The following KCNB2 variants were observed in gnomAD, a reference collection of about 807,000 sequenced individuals.
KCNB2 encodes delayed rectifier potassium channel protein.
A neutral mutation model predicts 61.5 loss-of-function variants in KCNB2; 15 were observed. That is an observed-to-expected ratio of 0.24 (90% CI 0.16 to 0.38). KCNB2 has a LOEUF of 0.38. KCNB2 is among the 10% of genes least tolerant of loss of function. The pLI, the probability that KCNB2 is intolerant of heterozygous loss-of-function variation, is 1.00. For missense variants in KCNB2, 828 were observed against 1,125.2 expected (o/e 0.74, Z 3.78); for synonymous variants, 457 against 446.0 (o/e 1.02, Z -0.31).
chr8:72,725,260 T>C (rs1352048054), intron 2 of KCNB2, among the ~76,000 whole-genome samples: 1 of 151,952 alleles, frequency 6.6e-6, no homozygotes, highest in Non-Finnish European at 1.5e-5. Flanking sequence ...TATTTCCTTT[T>C]CTGTCTAATG....
At chr8:72,556,979 G>T (rs564625816) in intron 1 of KCNB2, among the ~76,000 whole-genome samples, 1 of 152,186 alleles carries the variant, frequency 6.6e-6, no homozygotes, top group South Asian at 2.1e-4. Flanking sequence ...ATGTCTTCTT[G>T]CTGTGTCAAG....
chr8:72,668,164 G>A (rs1806508348), intron 2 of KCNB2, among the ~76,000 whole-genome samples: 1 of 152,184 alleles, frequency 6.6e-6, no homozygotes, highest in Non-Finnish European at 1.5e-5. Context: ...AATTCTCCCA[G>A]CATCAGTGTA....
In KCNB2 at chr8:72,871,861, C is replaced by G. The variant is rs138983174; in HGVS notation, c.580-64074C>G. Among the ~76,000 whole-genome samples the G allele has an allele frequency of 4.5e-3, 679 of 152,312 alleles. 6 individuals are homozygous for G. The highest frequency in any genetic ancestry group is 0.015 in the African/African-American group (634 of 41,570). Reference sequence around the variant, plus strand: ...AAACATACTTTGTATTATAGGAGATCCAGTAGAATAGTTTCAACTCATATG... The same window carrying G: ...AAACATACTTTGTATTATAGGAGATGCAGTAGAATAGTTTCAACTCATATG... On this transcript the variant is annotated intron_variant, in intron 2 of 2. Transcript: ENST00000523207.
At chr8:72,595,134 A>G (rs889984072) in intron 2 of KCNB2, among the ~76,000 whole-genome samples, 1 of 151,952 alleles carries the variant, frequency 6.6e-6, no homozygotes, top group South Asian at 2.1e-4. Flanking sequence ...AACAAGTCCT[A>G]ACTCCCTAAC....
At chr8:72,766,902 T>G (rs1414169128) in intron 2 of KCNB2, among the ~76,000 whole-genome samples, 1 of 152,140 alleles carries the variant, frequency 6.6e-6, no homozygotes, top group Non-Finnish European at 1.5e-5. Flanking sequence ...GACTTACAGT[T>G]CCGCATGACT....
chr8:72,709,059 G>A lies in KCNB2; in HGVS notation c.579+140746G>A, dbSNP rs373415757. On this transcript the variant is annotated intron_variant, in intron 2 of 2. Transcript: ENST00000523207. The stretch of plus-strand genomic sequence containing the variant: ...CAGGCACTGAAAAAAGAGACACATC[G>A]TTCACCCTTTGATAATACTGCTCTA... Among the ~76,000 whole-genome samples the A allele has an allele frequency of 2.3e-4, 35 of 152,164 alleles. No homozygotes were observed. In the East Asian group the frequency reaches 3.3e-3, roughly 14 times the overall value.
chr8:72,543,417 G>A (rs1366307948), intron 1 of KCNB2, among the ~76,000 whole-genome samples: 1 of 152,150 alleles, frequency 6.6e-6, no homozygotes, highest in Admixed American at 6.5e-5. Context: ...ATATTCAATT[G>A]AATATTGGTA....
chr8:72,929,421 T>C lies in KCNB2; in HGVS notation c.580-6514T>C, dbSNP rs575881101. Among the ~76,000 whole-genome samples the C allele has an allele frequency of 1.9e-3, 290 of 152,258 alleles. 2 individuals carry two copies. Among genetic ancestry groups the C allele is most frequent in the African/African-American group, 6.7e-3 (277 of 41,542 alleles). On this transcript the variant is annotated intron_variant, in intron 2 of 2. Coordinates refer to ENST00000523207, the MANE Select transcript of KCNB2 (RefSeq NM_004770.3). ...TCTAAGTGAAGAAATAACGTAATCA[T>C]CCAGGTGATTCAAGGGAGAAAAAAG...
At chr8:72,768,725 G>T (rs1292406256) in intron 2 of KCNB2, among the ~76,000 whole-genome samples, 1 of 152,088 alleles carries the variant, frequency 6.6e-6, no homozygotes. Context: ...TGATTTGGGG[G>T]TTAATTTTTA....
intron 1 of KCNB2, among the ~76,000 whole-genome samples, chr8:72,563,506 G>C (rs749023349): frequency 1.2e-4 from 18 of 152,116 alleles, no homozygotes; most frequent in Non-Finnish European, 2.4e-4. Context: ...AATGAAGTAT[G>C]TACAAGTCTG....
At chr8:72,548,164 ATTACCT>A (rs1284854336) in intron 1 of KCNB2, among the ~76,000 whole-genome samples, 4 of 152,180 alleles carry the variant, frequency 2.6e-5, no homozygotes, top group Non-Finnish European at 5.9e-5. Flanking sequence ...TTTTATAAAC[ATTACCT>A]TTACATGCAC....
chr8:72,931,804 G>A (rs1438065154), intron 2 of KCNB2, among the ~76,000 whole-genome samples: 1 of 152,212 alleles, frequency 6.6e-6, no homozygotes, highest in Non-Finnish European at 1.5e-5. Flanking sequence ...CTTGAGGCCC[G>A]GCATTTGAGA....
intron 2 of KCNB2, among the ~76,000 whole-genome samples, chr8:72,698,523 A>T (rs368338339): frequency 6.6e-6 from 1 of 152,214 alleles, no homozygotes; most frequent in Non-Finnish European, 1.5e-5. Context: ...TCTAAATTTC[A>T]TATGGAACTG....
At chr8:72,566,026 G>A (rs1806619545) in intron 1 of KCNB2, among the ~76,000 whole-genome samples, 1 of 152,136 alleles carries the variant, frequency 6.6e-6, no homozygotes, top group Non-Finnish European at 1.5e-5. Context: ...TAGAAGGTGA[G>A]GTTTGAGCTG....
intron 2 of KCNB2, among the ~76,000 whole-genome samples, chr8:72,888,190 C>T (rs1000733739): frequency 3.9e-5 from 6 of 152,180 alleles, no homozygotes; most frequent in African/African-American, 1.2e-4. Flanking sequence ...GAAGCCTCGA[C>T]CTCCTGGCCT....
chr8:72,676,001 GTTGAAAACA>G (rs141256359), intron 2 of KCNB2, among the ~76,000 whole-genome samples: 38,673 of 151,924 alleles, frequency 0.25, 8,510 homozygotes, highest in African/African-American at 0.6. Flanking sequence ...AAAGTGTAGT[GTTGAAAACA>G]TTCACTTAAA....
At chr8:72,562,479 AAGGGATGGTG>A (rs907090452) in intron 1 of KCNB2, among the ~76,000 whole-genome samples, 3 of 152,132 alleles carry the variant, frequency 2.0e-5, no homozygotes, top group Non-Finnish European at 4.4e-5. Flanking sequence ...AAGACTAATG[AAGGGATGGTG>A]AGTACATTTG....
chr8:72,742,216 A>C (rs1181184507), intron 2 of KCNB2, among the ~76,000 whole-genome samples: 1 of 152,190 alleles, frequency 6.6e-6, no homozygotes, highest in African/African-American at 2.4e-5. Context: ...TTAAAACTGT[A>C]TTTGTTCACC....
intron 2 of KCNB2, among the ~76,000 whole-genome samples, chr8:72,890,084 AAAG>A (rs1481919836): frequency 6.6e-6 from 1 of 152,192 alleles, no homozygotes. Context: ...TGGAAAGAAA[AAAG>A]AAGGATGGAG....
Sources: allele counts gnomAD v4.1 joint callset (sites outside exome capture counted in the v4.1 genomes callset), GRCh38; gene constraint gnomAD v4.1.1; transcripts MANE v1.5; gene names NCBI Gene and HGNC (gene_info 2026-07-23, HGNC 2026-07-21).